The following SATB1 variants were observed in gnomAD, a reference collection of about 807,000 sequenced individuals.
SATB1 encodes SATB homeobox 1, also known as DNA-binding protein SATB1.
SATB1 carries 11 observed loss-of-function variants against 86.9 expected under a neutral mutation model. The ratio of observed to expected loss-of-function variants is 0.13; its 90% CI spans 0.08 to 0.21. SATB1 has a LOEUF of 0.21. SATB1 is among the 10% of genes least tolerant of loss of function. The pLI, the probability that SATB1 is intolerant of heterozygous loss-of-function variation, is 1.00. For synonymous variants in SATB1, 357 were observed against 357.2 expected, an observed-to-expected ratio of 1.00 and a Z score of 0.01; for missense variants, 551 against 937.6, an observed-to-expected ratio of 0.59 and a Z score of 5.39.
intron 5 of SATB1, chr3:18,409,022 A>T (rs912587887): frequency 6.6e-6 from 1 of 151,972 alleles, no homozygotes; most frequent in Non-Finnish European, 1.5e-5. Context: ...TGATATGGTA[A>T]TTTTCCCTGC....
chr3:18,353,656 T>C (rs1489356236), intron 9 of SATB1, among the ~76,000 whole-genome samples: 1 of 152,158 alleles, frequency 6.6e-6, no homozygotes, highest in Non-Finnish European at 1.5e-5. Context: ...CTGAAACGAT[T>C]AGAGAGAAAA....
At chr3:18,376,861 A>C (rs1695784569) in intron 9 of SATB1, among the ~76,000 whole-genome samples, 1 of 152,244 alleles carries the variant, frequency 6.6e-6, no homozygotes, top group South Asian at 2.1e-4. Flanking sequence ...ATGTTTAAAC[A>C]GCACTTGATG....
intron 5 of SATB1, among the ~76,000 whole-genome samples, chr3:18,406,644 CT>C (rs1188756160): frequency 6.6e-6 from 1 of 151,996 alleles, no homozygotes; most frequent in African/African-American, 2.4e-5. Flanking sequence ...AACTCCAAGG[CT>C]ATTGTTGTGC....
chr3:18,369,388 T>A (rs1035488486), intron 9 of SATB1, among the ~76,000 whole-genome samples: 1 of 152,058 alleles, frequency 6.6e-6, no homozygotes, highest in African/African-American at 2.4e-5. Flanking sequence ...ACCATTTGAA[T>A]TTTGGTAAAA....
chr3:18,355,807 C>T (rs1694602231), intron 9 of SATB1, among the ~76,000 whole-genome samples: 1 of 151,994 alleles, frequency 6.6e-6, no homozygotes, highest in African/African-American at 2.4e-5. Context: ...AGGGGACTAA[C>T]AGCCTTAAAA....
intron 9 of SATB1, among the ~76,000 whole-genome samples, chr3:18,357,522 A>AGT (rs1471582019): frequency 6.6e-6 from 1 of 150,518 alleles, no homozygotes; most frequent in Non-Finnish European, 1.5e-5. Flanking sequence ...TCTGCCCACA[A>AGT]ACATGCTAAT....
In SATB1 at chr3:18,386,733, T is replaced by C. The variant is rs755508356; in HGVS notation, c.1207-122A>G. 45 of 708,190 alleles carry C rather than the reference T, an allele frequency of 6.4e-5. No individual in the cohort carries two copies. The highest frequency in any genetic ancestry group is 9.6e-5 in the Non-Finnish European group (40 of 418,270). The allele number at this position is 708,190 out of a possible 1,614,324, so 43.9% of individuals were successfully genotyped here. A position where few individuals can be genotyped will look rare whatever the true frequency, so the allele number is the denominator to read the frequency against. On this transcript the variant is annotated intron_variant, in intron 7 of 10. Transcript: ENST00000338745. The surrounding 1 kb of genome is among the most constrained non-coding windows in gnomAD (Gnocchi z 4.5). ...AACAGTCAGAGGCATTAATTCTGCATAGGAATATATTAGTTACAACTGAAG... is the reference window on the plus strand; with the variant it reads ...AACAGTCAGAGGCATTAATTCTGCACAGGAATATATTAGTTACAACTGAAG...
intron 9 of SATB1, among the ~76,000 whole-genome samples, chr3:18,368,985 C>T (rs1023118057): frequency 3.3e-5 from 5 of 152,016 alleles, no homozygotes; most frequent in African/African-American, 7.2e-5. Flanking sequence ...GCCTGCATTT[C>T]GCCAGGTTAT....
chr3:18,351,658 T>C (rs1694368307), intron 10 of SATB1: 2 of 496,532 alleles, frequency 4.0e-6, no homozygotes, highest in East Asian at 6.8e-5. Flanking sequence ...AAATAGGTGG[T>C]GTTTTAAATT....
chr3:18,427,450 TA>T (rs1698747429), upstream of SATB1, among the ~76,000 whole-genome samples: 1 of 152,094 alleles, frequency 6.6e-6, no homozygotes, highest in Admixed American at 6.5e-5. Context: ...ATGTTTTTTA[TA>T]AAAGAAAAGA....
intron 2 of SATB1, among the ~76,000 whole-genome samples, chr3:18,419,382 A>G (rs1286976561): frequency 2.0e-5 from 3 of 152,086 alleles, no homozygotes; most frequent in African/African-American, 7.2e-5. Flanking sequence ...CATGATTTAA[A>G]CCTGAAGGCA....
intron 1 of SATB1, chr3:18,445,437 C>T (rs1368226015): frequency 4.1e-6 from 4 of 985,060 alleles, no homozygotes; most frequent in Admixed American, 6.2e-5. Context: ...CCCTCAGCCT[C>T]GAGGGGTAAG....
intron 9 of SATB1, among the ~76,000 whole-genome samples, chr3:18,374,969 C>A (rs1695670207): frequency 6.6e-6 from 1 of 152,070 alleles, no homozygotes; most frequent in Admixed American, 6.6e-5. Flanking sequence ...CAATATTATA[C>A]CACCAATGAC....
At chr3:18,391,954 C>T (rs886653024) in intron 7 of SATB1, among the ~76,000 whole-genome samples, 3 of 152,134 alleles carry the variant, frequency 2.0e-5, no homozygotes, top group Admixed American at 1.3e-4. Context: ...AGTTAGTTCT[C>T]AAGGAATTAA....
chr3:18,445,418 A>G, intron 1 of SATB1: 1 of 985,070 alleles, frequency 1.0e-6, no homozygotes, highest in Non-Finnish European at 1.2e-6. Context: ...GTTGGCGCGG[A>G]AGACAGGACC....
At chr3:18,413,851 TC>T (rs1384708219) in intron 5 of SATB1, among the ~76,000 whole-genome samples, 167 of 152,250 alleles carry the variant, frequency 1.1e-3, no homozygotes, top group African/African-American at 3.4e-3. Flanking sequence ...TTTGCTTCAT[TC>T]CTAAAATTTC....
At chr3:18,425,873 C>T (rs1203466605), upstream of SATB1, among the ~76,000 whole-genome samples, 1 of 30,376 alleles carries the variant, frequency 3.3e-5, no homozygotes, top group East Asian at 6.8e-4. Flanking sequence ...AGGAAAATGA[C>T]GGGGAGGAGG....
Position 18,345,724 on chromosome 3 carries a change from T to G in SATB1, c.*3446A>C, listed in dbSNP as rs1344538638. On this transcript the variant is annotated 3_prime_UTR_variant, in exon 11 of 11. Coordinates refer to ENST00000338745, the MANE Select transcript of SATB1 (RefSeq NM_002971.6). ...CCACACTATCATGCAAATTTCCAAC[T>G]TGCTTTAACACAACAGTTCTATCAG... The G allele has an allele frequency of 6.6e-6, 1 of 152,154 alleles. No homozygotes were observed. The highest frequency in any genetic ancestry group is 2.4e-5 in the African/African-American group (1 of 41,462). The allele number at this position is 152,154 out of a possible 1,614,324, so 9.4% of individuals were successfully genotyped here. A position where few individuals can be genotyped will look rare whatever the true frequency, so the allele number is the denominator to read the frequency against.
chr3:18,417,139 G>A, intron 2 of SATB1, 61 bp from the exon 3 acceptor site: 1 of 1,539,244 alleles, frequency 6.5e-7, no homozygotes, highest in Non-Finnish European at 8.8e-7. Context: ...TACAGCTTGG[G>A]GGTGGCGGGA....
Sources: allele counts gnomAD v4.1 joint callset (sites outside exome capture counted in the v4.1 genomes callset), GRCh38; gene constraint gnomAD v4.1.1; non-coding constraint Gnocchi (gnomAD v3.1); transcripts MANE v1.5; gene names NCBI Gene and HGNC (gene_info 2026-07-23, HGNC 2026-07-21).